IL23R: variants seen among roughly 807,000 people sequenced by gnomAD.
IL23R encodes the protein interleukin-23 receptor.
A neutral mutation model predicts 56.9 loss-of-function variants in IL23R; 34 were observed. The observed-to-expected ratio is 0.60, with a 90% CI of 0.45 to 0.80. The LOEUF (loss-of-function observed/expected upper bound fraction) is 0.80, where lower values mean the gene tolerates loss of function less well. Among genes scored for constraint, IL23R ranks in the 30% least tolerant of loss-of-function variants. IL23R has a pLI of 0.00. For synonymous variants in IL23R, 230 were observed against 249.2 expected, an observed-to-expected ratio of 0.92 and a Z score of 0.73; for missense variants, 635 against 730.0, an observed-to-expected ratio of 0.87 and a Z score of 1.50.
intron 5 of IL23R, among the ~76,000 whole-genome samples, chr1:67,201,551 C>CA (rs1231175917): frequency 0.094 from 7,996 of 84,848 alleles, 497 homozygotes; most frequent in African/African-American, 0.23. Context: ...CTAGGGAAGG[C>CA]AAAAAAAAAA....
At chr1:67,169,173 C>T (rs1285688568) in intron 2 of IL23R, among the ~76,000 whole-genome samples, 169 bp from the exon 3 acceptor site, 1 of 131,592 alleles carries the variant, frequency 7.6e-6, no homozygotes, top group East Asian at 2.3e-4. Flanking sequence ...CTAACAGAAA[C>T]ACACTGTAAT....
intron 3 of IL23R, among the ~76,000 whole-genome samples, chr1:67,176,063 C>G (rs1415897066): frequency 6.6e-6 from 1 of 152,128 alleles, no homozygotes; most frequent in Non-Finnish European, 1.5e-5. Flanking sequence ...AACTCAAACT[C>G]AATGACAAAT....
At chr1:67,225,463 GC>G (rs941942665) in intron 7 of IL23R, among the ~76,000 whole-genome samples, 4 of 151,718 alleles carry the variant, frequency 2.6e-5, no homozygotes, top group Non-Finnish European at 4.4e-5. Context: ...TATCTAGAAA[GC>G]ACTGTTTCTC....
chr1:67,250,025 A>C (rs1000020635), intron 9 of IL23R, among the ~76,000 whole-genome samples: 9 of 152,212 alleles, frequency 5.9e-5, no homozygotes, highest in African/African-American at 1.9e-4. Flanking sequence ...AACCTTCCAC[A>C]ATGTATTCAA....
At chr1:67,149,133 G>T (rs1013749250) in intron 1 of IL23R, among the ~76,000 whole-genome samples, 6 of 152,252 alleles carry the variant, frequency 3.9e-5, no homozygotes, top group African/African-American at 1.4e-4. Flanking sequence ...AATTTACCAG[G>T]TTCTTCTTAC....
chr1:67,224,282 T>C (rs1320312380), intron 7 of IL23R, among the ~76,000 whole-genome samples: 3 of 152,232 alleles, frequency 2.0e-5, no homozygotes, highest in Admixed American at 2.0e-4. Context: ...TAAAATGATA[T>C]CATTTCTGTA....
chr1:67,148,255 C>A (rs756434789), intron 1 of IL23R, among the ~76,000 whole-genome samples: 1 of 152,180 alleles, frequency 6.6e-6, no homozygotes, highest in East Asian at 1.9e-4. Context: ...GGACGGCGAG[C>A]GAAAGCTCAG....
intron 1 of IL23R, among the ~76,000 whole-genome samples, chr1:67,141,056 A>G (rs1646632313): frequency 6.6e-6 from 1 of 152,190 alleles, no homozygotes; most frequent in Admixed American, 6.5e-5. Context: ...TGCAGCTGTT[A>G]CAAGAGGTAT....
intron 6 of IL23R, among the ~76,000 whole-genome samples, chr1:67,214,251 A>G (rs955901007): frequency 2.2e-5 from 3 of 136,158 alleles, no homozygotes; most frequent in African/African-American, 8.0e-5. Flanking sequence ...ACAAAATATA[A>G]CTAGCTTTTC....
Position 67,258,940 on chromosome 1 carries a change from G to C in IL23R, c.1702G>C (p.Glu568Gln). 1 of 1,614,106 alleles carries C rather than the reference G, an allele frequency of 6.2e-7. No individual in the cohort carries two copies. Among genetic ancestry groups the C allele is most frequent in the East Asian group, 2.2e-5 (1 of 44,870 alleles). Residue 568 changes from glutamate to glutamine, a missense_variant, in exon 11 of 11, where the codon GAG (glutamate) becomes CAG (glutamine). Physicochemically the swap from Glu to Gln is conservative, Grantham distance 29. Coordinates refer to ENST00000347310, the MANE Select transcript of IL23R (RefSeq NM_144701.3). ...TTCTCCTGACATACAAAACTCAGTA[G>C]AGGAGGAAACCACCATGCTTTTGGA... ...CSSPDIQNSV[E>Q]EETTMLLEND...
chr1:67,249,873 T>G (rs1482517018), intron 9 of IL23R, among the ~76,000 whole-genome samples: 4 of 152,224 alleles, frequency 2.6e-5, no homozygotes, highest in African/African-American at 9.6e-5. Flanking sequence ...TTACAAATTT[T>G]TGTTAAAAAG....
At chr1:67,251,801 A>T (rs1185215484) in intron 9 of IL23R, among the ~76,000 whole-genome samples, 1 of 152,222 alleles carries the variant, frequency 6.6e-6, no homozygotes, top group Admixed American at 6.5e-5. Context: ...GAGCTACAGT[A>T]CTGGGTAGTC....
chr1:67,232,284 A>C (rs1326617857), intron 7 of IL23R, among the ~76,000 whole-genome samples: 4 of 152,202 alleles, frequency 2.6e-5, no homozygotes, highest in African/African-American at 9.6e-5. Context: ...GATTTAAAGC[A>C]TCAGTGCTAA....
intron 4 of IL23R, among the ~76,000 whole-genome samples, chr1:67,184,511 C>T (rs1647221868): frequency 6.6e-6 from 1 of 151,642 alleles, no homozygotes; most frequent in Admixed American, 6.6e-5. Flanking sequence ...CGTGCCATTG[C>T]ACTCCAGCCT....
rs549038447 is a variant in IL23R at position 67,219,705 on chromosome 1, G to C, written c.930G>C (p.Leu310=). ...GKRYWQPWSS[L]FFHKTPETVP... ...GGTACTGGCAGCCTTGGAGTTCACT[G>C]TTTTTTCATAAAACACCTGAAACAG... Residue 310 remains leucine (L), a synonymous_variant, in exon 7 of 11, where the codon CTG becomes CTC. Transcript: ENST00000347310. 3 of 1,613,696 alleles carry C rather than the reference G, an allele frequency of 1.9e-6. No individual in the cohort carries two copies. The highest frequency in any genetic ancestry group is 4.5e-5 in the East Asian group (2 of 44,868).
chr1:67,201,852 A>G (rs1648663710), intron 5 of IL23R, among the ~76,000 whole-genome samples: 1 of 151,998 alleles, frequency 6.6e-6, no homozygotes, highest in Non-Finnish European at 1.5e-5. Context: ...ATTTCTATTA[A>G]TTTAATCTAT....
downstream of IL23R, among the ~76,000 whole-genome samples, chr1:67,260,787 C>A (rs894346633): frequency 3.3e-5 from 5 of 152,132 alleles, no homozygotes; most frequent in African/African-American, 4.8e-5. Flanking sequence ...GTCCTAGCTA[C>A]TCAGGAGGCT....
chr1:67,146,357 C>T (rs141821772), intron 1 of IL23R, among the ~76,000 whole-genome samples: 7 of 152,244 alleles, frequency 4.6e-5, no homozygotes, highest in East Asian at 1.9e-4. Context: ...GATCTCTACA[C>T]GGGTGTGGTC....
At chr1:67,227,595 C>T (rs1183142258) in intron 7 of IL23R, among the ~76,000 whole-genome samples, 2 of 152,130 alleles carry the variant, frequency 1.3e-5, no homozygotes, top group Non-Finnish European at 2.9e-5. Context: ...AGGGAAAAAG[C>T]AAATATTATG....
Sources: allele counts gnomAD v4.1 joint callset (sites outside exome capture counted in the v4.1 genomes callset), GRCh38; gene constraint gnomAD v4.1.1; transcripts MANE v1.5; gene names NCBI Gene and HGNC (gene_info 2026-07-23, HGNC 2026-07-21).